Variants in NPAS3 observed in about 807,000 individuals in gnomAD.
NPAS3 encodes neuronal PAS domain-containing protein 3.
In NPAS3, 14 loss-of-function variants were observed where a neutral mutation model predicts 73.1. The observed-to-expected ratio is 0.19, with a 90% confidence interval of 0.13 to 0.30. The LOEUF (loss-of-function observed/expected upper bound fraction) is 0.30, where lower values mean the gene tolerates loss of function less well. Ranked by LOEUF, NPAS3 falls within the 10% of genes least tolerant of loss-of-function variation. The pLI is 1.00. For synonymous variants in NPAS3, 620 were observed against 541.5 expected (o/e 1.14, Z -2.01); for missense variants, 1,096 against 1,250.0 (o/e 0.88, Z 1.86).
intron 1 of NPAS3, among the ~76,000 whole-genome samples, chr14:33,028,565 G>T (rs1374888598): frequency 1.3e-5 from 2 of 152,100 alleles, no homozygotes; most frequent in Non-Finnish European, 2.9e-5. Context: ...GATATATTTG[G>T]ACTCTGTGGA....
chr14:33,589,932 T>A (rs565157421), intron 5 of NPAS3, among the ~76,000 whole-genome samples: 1 of 152,210 alleles, frequency 6.6e-6, no homozygotes, highest in Admixed American at 6.5e-5. Context: ...GAAGAAGAAA[T>A]TCTTTGGGAT....
At chr14:33,602,979 A>G (rs921565137) in intron 5 of NPAS3, among the ~76,000 whole-genome samples, 1 of 152,234 alleles carries the variant, frequency 6.6e-6, no homozygotes, top group Admixed American at 6.5e-5. Flanking sequence ...AAAATTCACA[A>G]TGTCACTTCC....
intron 3 of NPAS3, among the ~76,000 whole-genome samples, chr14:33,266,338 CA>C (rs1352835416): frequency 6.6e-6 from 1 of 152,082 alleles, no homozygotes; most frequent in Non-Finnish European, 1.5e-5. Context: ...ACTGCTAAGC[CA>C]AAATTATCCT....
At chr14:33,236,157 T>C (rs946608343) in intron 3 of NPAS3, among the ~76,000 whole-genome samples, 3 of 151,958 alleles carry the variant, frequency 2.0e-5, no homozygotes, top group African/African-American at 7.3e-5. Context: ...ATTCATCTCC[T>C]GTCACCACTG....
intron 4 of NPAS3, among the ~76,000 whole-genome samples, chr14:33,388,448 G>GA (rs1006437393): frequency 9.8e-4 from 145 of 148,138 alleles, no homozygotes; most frequent in Non-Finnish European, 1.7e-3. Flanking sequence ...AGGCACTCGT[G>GA]AAAAAAAAAT....
intron 5 of NPAS3, among the ~76,000 whole-genome samples, chr14:33,592,742 G>A (rs1477520965): frequency 6.6e-6 from 1 of 152,204 alleles, no homozygotes; most frequent in Non-Finnish European, 1.5e-5. Context: ...TGTTTTGATG[G>A]AAATGTAATA....
chr14:33,580,685 T>C lies in NPAS3; in HGVS notation c.558+20475T>C, dbSNP rs568652969. Among the ~76,000 whole-genome samples, 25 of 152,216 alleles carry C rather than the reference T, an allele frequency of 1.6e-4. No homozygotes were observed. The East Asian group carries it at 4.4e-3, about 27-fold the overall frequency. On this transcript the variant is annotated intron_variant, in intron 5 of 11. Transcript: ENST00000356141. ...CAAAATTGCTCAGCTCACTCTAAGT[T>C]TTCTTAGAAAAATCTCATTTTTATC... is the stretch of plus-strand genomic sequence containing the variant.
At chr14:33,376,072 G>T (rs556604131) in intron 4 of NPAS3, among the ~76,000 whole-genome samples, 31 of 152,232 alleles carry the variant, frequency 2.0e-4, no homozygotes, top group Admixed American at 6.5e-4. Flanking sequence ...ATTATCTCAA[G>T]AATGCATGTT....
intron 4 of NPAS3, among the ~76,000 whole-genome samples, chr14:33,383,984 TA>T (rs1003486489): frequency 5.5e-4 from 83 of 152,238 alleles, no homozygotes; most frequent in African/African-American, 2.0e-3. Context: ...AATATAAAAA[TA>T]AAAAACTTTG....
intron 3 of NPAS3, among the ~76,000 whole-genome samples, chr14:33,280,060 C>T (rs138601475): frequency 2.6e-3 from 400 of 152,224 alleles, no homozygotes; most frequent in Non-Finnish European, 4.8e-3. Flanking sequence ...GCTGAATGGG[C>T]GTGGCCTGTT....
chr14:33,267,179 C>T (rs974851637), intron 3 of NPAS3, among the ~76,000 whole-genome samples: 1 of 152,032 alleles, frequency 6.6e-6, no homozygotes, highest in Non-Finnish European at 1.5e-5. Flanking sequence ...AATTTTAAGA[C>T]TTTGGGGAAG....
At chr14:33,672,272 A>G (rs2059630571) in intron 5 of NPAS3, among the ~76,000 whole-genome samples, 1 of 152,234 alleles carries the variant, frequency 6.6e-6, no homozygotes, top group African/African-American at 2.4e-5. Context: ...TTATGATGCT[A>G]TATTATAATA....
intron 2 of NPAS3, among the ~76,000 whole-genome samples, chr14:33,077,060 G>A (rs8008756): frequency 0.18 from 28,023 of 152,220 alleles, 2,752 homozygotes; most frequent in South Asian, 0.34. Context: ...AACAGTGGGT[G>A]AAACGGGCAA....
intron 4 of NPAS3, among the ~76,000 whole-genome samples, chr14:33,530,712 C>T (rs1046117367): frequency 2.0e-5 from 3 of 151,818 alleles, no homozygotes; most frequent in African/African-American, 7.3e-5. Context: ...ATTTCCATTG[C>T]CTTCAAACTG....
At chr14:33,670,366 C>G (rs2059576662) in intron 5 of NPAS3, among the ~76,000 whole-genome samples, 1 of 152,116 alleles carries the variant, frequency 6.6e-6, no homozygotes, top group South Asian at 2.1e-4. Flanking sequence ...ATTTCTGTAA[C>G]AGACCGAATG....
At chr14:33,237,346 G>A (rs1467845044) in intron 3 of NPAS3, among the ~76,000 whole-genome samples, 1 of 152,042 alleles carries the variant, frequency 6.6e-6, no homozygotes, top group Non-Finnish European at 1.5e-5. Context: ...ACTTCAGTGG[G>A]CAGCTTATGC....
intron 5 of NPAS3, among the ~76,000 whole-genome samples, chr14:33,645,090 A>G (rs922813809): frequency 6.6e-6 from 1 of 152,004 alleles, no homozygotes; most frequent in East Asian, 1.9e-4. Context: ...TCAAAAAAAA[A>G]AAAAAAGAAA....
At chr14:33,772,060 T>C (rs1457279539) in intron 7 of NPAS3, among the ~76,000 whole-genome samples, 1 of 152,212 alleles carries the variant, frequency 6.6e-6, no homozygotes, top group Non-Finnish European at 1.5e-5. Flanking sequence ...AAATGTGAAA[T>C]TTTATGATCC....
intron 1 of NPAS3, among the ~76,000 whole-genome samples, chr14:32,968,395 T>C (rs1248467585): frequency 6.6e-6 from 1 of 152,216 alleles, no homozygotes; most frequent in Non-Finnish European, 1.5e-5. Context: ...AAAAACTTCC[T>C]AATGTACCTG....
Sources: allele counts gnomAD v4.1 joint callset (sites outside exome capture counted in the v4.1 genomes callset), GRCh38; gene constraint gnomAD v4.1.1; transcripts MANE v1.5; gene names NCBI Gene and HGNC (gene_info 2026-07-23, HGNC 2026-07-21).